Variants in MAGI1 observed in about 807,000 individuals in gnomAD.
MAGI1 encodes the protein membrane-associated guanylate kinase, WW and PDZ domain-containing protein 1.
In MAGI1, 58 loss-of-function variants were observed where a neutral mutation model predicts 139.9. The ratio of observed to expected loss-of-function variants is 0.41; its 90% CI spans 0.34 to 0.52. The LOEUF (loss-of-function observed/expected upper bound fraction) is 0.52. MAGI1 is among the 20% of genes least tolerant of loss of function. The pLI is 0.12. For missense variants in MAGI1, 1,874 were observed against 1,901.6 expected (o/e 0.99, Z 0.27); for synonymous variants, 812 against 737.9 (o/e 1.10, Z -1.63).
intron 12 of MAGI1, among the ~76,000 whole-genome samples, chr3:65,421,936 T>A (rs1946656331): frequency 6.6e-6 from 1 of 152,208 alleles, no homozygotes; most frequent in African/African-American, 2.4e-5. Context: ...CCTATGTTTA[T>A]CACTCTCTGC....
At chr3:65,934,062 A>G (rs988621919) in intron 1 of MAGI1, among the ~76,000 whole-genome samples, 6 of 152,108 alleles carry the variant, frequency 3.9e-5, no homozygotes, top group Admixed American at 2.0e-4. Context: ...CGAAGGTTGC[A>G]GTGAGCTGAG....
chr3:65,537,689 A>G (rs1027170675), intron 2 of MAGI1, among the ~76,000 whole-genome samples: 1 of 152,148 alleles, frequency 6.6e-6, no homozygotes, highest in African/African-American at 2.4e-5. Flanking sequence ...TTCGCCTTCC[A>G]CTGAAAAAAA....
intron 1 of MAGI1, among the ~76,000 whole-genome samples, chr3:65,627,769 G>C (rs1386006734): frequency 6.6e-6 from 1 of 151,788 alleles, no homozygotes; most frequent in African/African-American, 2.4e-5. Context: ...GCCTCCTGAA[G>C]TGCTAGGATT....
chr3:65,960,807 A>G (rs1485747701), intron 1 of MAGI1, among the ~76,000 whole-genome samples: 1 of 152,162 alleles, frequency 6.6e-6, no homozygotes, highest in African/African-American at 2.4e-5. Flanking sequence ...TTGTTTCCAT[A>G]TAACTTCACC....
At chr3:65,404,485 C>T (rs1945173368) in intron 12 of MAGI1, among the ~76,000 whole-genome samples, 1 of 152,146 alleles carries the variant, frequency 6.6e-6, no homozygotes, top group Admixed American at 6.5e-5. Flanking sequence ...AAAAGCCACA[C>T]CTTTTACAGC....
At chr3:65,879,869 A>G (rs2060256453) in intron 1 of MAGI1, among the ~76,000 whole-genome samples, 1 of 152,196 alleles carries the variant, frequency 6.6e-6, no homozygotes, top group Non-Finnish European at 1.5e-5. Flanking sequence ...TGAACTCTGA[A>G]GCCCATTCTC....
chr3:65,604,684 AT>A (rs1275593666), intron 2 of MAGI1, among the ~76,000 whole-genome samples: 3 of 152,050 alleles, frequency 2.0e-5, no homozygotes, highest in Admixed American at 2.0e-4. Flanking sequence ...TTCCTACTGG[AT>A]TTTAACTTGA....
chr3:65,653,112 T>C (rs1166833702), intron 1 of MAGI1, among the ~76,000 whole-genome samples: 1 of 152,166 alleles, frequency 6.6e-6, no homozygotes, highest in Non-Finnish European at 1.5e-5. Context: ...AGCGGAAATA[T>C]GCATTAATAT....
rs368485106 is a variant in MAGI1 at position 65,808,276 on chromosome 3, C to T, written c.314-186188G>A. 1.1e-4 allele frequency among the ~76,000 whole-genome samples: 17 copies of T among 152,150 alleles called. No homozygotes were observed. The South Asian group carries it at 2.5e-3, about 22-fold the overall frequency. Reference sequence around the variant, plus strand: ...CTGGGATTACAGGCATGAGACATGGCGCCCAGCTGAGGTCAGGACTTCTTG... The same window carrying T: ...CTGGGATTACAGGCATGAGACATGGTGCCCAGCTGAGGTCAGGACTTCTTG... On this transcript the variant is annotated intron_variant, in intron 1 of 22. Coordinates refer to ENST00000402939, the MANE Select transcript of MAGI1 (RefSeq NM_001033057.2).
chr3:65,891,918 A>ACCCG (rs1251037597), intron 1 of MAGI1, among the ~76,000 whole-genome samples: 1 of 103,656 alleles, frequency 9.6e-6, no homozygotes, highest in Non-Finnish European at 1.9e-5. Flanking sequence ...ATATATATAT[A>ACCCG]TATATATATA....
chr3:65,853,517 G>A (rs908526196), intron 1 of MAGI1, among the ~76,000 whole-genome samples: 7 of 152,098 alleles, frequency 4.6e-5, no homozygotes, highest in African/African-American at 1.7e-4. Context: ...GCTTTTACCA[G>A]CTGCTGGGAA....
intron 22 of MAGI1, among the ~76,000 whole-genome samples, chr3:65,357,569 T>C (rs577506098): frequency 6.6e-6 from 1 of 151,026 alleles, no homozygotes; most frequent in Non-Finnish European, 1.5e-5. Context: ...AGAATACTTG[T>C]TTTGATTTAC....
At position 65,688,393 on chromosome 3, in the gene MAGI1, G is replaced by C. The variant is rs116714142; in HGVS notation, c.314-66305C>G. On this transcript the variant is annotated intron_variant, in intron 1 of 22. Coordinates refer to ENST00000402939, the MANE Select transcript of MAGI1 (RefSeq NM_001033057.2). The stretch of plus-strand genomic sequence containing the variant: ...GCTTACAGTAGTCATTAGAGAAAAA[G>C]GAAAGGGAGGAAGAAGAGAAGACAG... 2.4e-3 allele frequency: 1,348 copies of C among 558,042 alleles called. 11 individuals carry two copies. Among genetic ancestry groups the C allele is most frequent in the African/African-American group, 0.022 (1,176 of 52,606 alleles). 34.6% of individuals were successfully genotyped at this position (558,042 alleles called of 1,614,324 possible). A position where few individuals can be genotyped will look rare whatever the true frequency, so the allele number is the denominator to read the frequency against.
intron 1 of MAGI1, among the ~76,000 whole-genome samples, chr3:65,836,828 AAG>A (rs1435749354): frequency 6.6e-6 from 1 of 152,022 alleles, no homozygotes; most frequent in Non-Finnish European, 1.5e-5. Context: ...GAGAAAGAGA[AAG>A]AGAGAAAGAG....
chr3:65,755,115 T>C (rs566607658), intron 1 of MAGI1, among the ~76,000 whole-genome samples: 78 of 152,076 alleles, frequency 5.1e-4, no homozygotes, highest in East Asian at 1.8e-3. Context: ...GCCCAGCTAA[T>C]TTTTGTACTT....
intron 1 of MAGI1, among the ~76,000 whole-genome samples, chr3:65,771,571 A>C (rs17073748): frequency 0.23 from 34,552 of 152,070 alleles, 4,730 homozygotes; most frequent in East Asian, 0.48. Flanking sequence ...CTAGCTATCA[A>C]AATAAGGTAT....
intron 2 of MAGI1, among the ~76,000 whole-genome samples, chr3:65,530,624 GGTGTGTGTGTGTGTGT>G (rs57337916): frequency 3.6e-4 from 47 of 129,282 alleles, no homozygotes; most frequent in Non-Finnish European, 5.2e-4. Flanking sequence ...ATGTGTGTGT[GGTGTGTGTGTGTGTGT>G]GTGTGTGTGT....
intron 1 of MAGI1, among the ~76,000 whole-genome samples, chr3:65,639,932 G>A (rs1287567443): frequency 6.6e-6 from 1 of 151,184 alleles, no homozygotes; most frequent in Non-Finnish European, 1.5e-5. Context: ...AACCCAGGAA[G>A]CAGAGGTTGC....
chr3:65,575,918 G>A (rs573045878), intron 2 of MAGI1, among the ~76,000 whole-genome samples: 1 of 152,146 alleles, frequency 6.6e-6, no homozygotes, highest in African/African-American at 2.4e-5. Flanking sequence ...GGGTAGAGGA[G>A]AGTGATTATA....
Sources: gnomAD v4.1 joint callset for allele counts (sites outside exome capture counted in the v4.1 genomes callset) on GRCh38, gnomAD v4.1.1 for gene constraint, MANE v1.5 for transcripts, NCBI Gene and HGNC (gene_info 2026-07-23, HGNC 2026-07-21) for gene names.